Variants in PACRG observed in about 807,000 individuals in gnomAD.
PACRG encodes parkin coregulated gene protein.
PACRG carries 29 observed loss-of-function variants against 29.7 expected under a neutral mutation model. The ratio of observed to expected loss-of-function variants is 0.98; its 90% CI spans 0.73 to 1.33. The LOEUF (loss-of-function observed/expected upper bound fraction) is 1.33, where lower values mean the gene tolerates loss of function less well. Ranked by LOEUF, PACRG falls within the 40% of genes most tolerant of loss-of-function variation. The probability of loss-of-function intolerance (pLI) is 0.00; values close to 1 mark genes in which losing one functional copy is unlikely to be tolerated. For synonymous variants in PACRG, 116 were observed against 118.7 expected (o/e 0.98, Z 0.15); for missense variants, 279 against 316.2 (o/e 0.88, Z 0.89).
intron 4 of PACRG, among the ~76,000 whole-genome samples, chr6:163,240,522 G>A (rs144042863): frequency 8.2e-4 from 125 of 152,180 alleles, no homozygotes; most frequent in African/African-American, 2.9e-3. Context: ...CTTGCCTGAC[G>A]CCCTGTGGGG....
intron 1 of PACRG, among the ~76,000 whole-genome samples, chr6:162,779,115 A>C (rs2128311574): frequency 6.6e-6 from 1 of 152,286 alleles, no homozygotes; most frequent in African/African-American, 2.4e-5. Flanking sequence ...CCGACTTATA[A>C]GCAAGAACAC....
At chr6:163,011,343 C>G (rs7774066) in intron 2 of PACRG, among the ~76,000 whole-genome samples, 27,718 of 152,100 alleles carry the variant, frequency 0.18, 3,101 homozygotes, top group African/African-American at 0.31. Context: ...AAATAAACCC[C>G]TACAGCAAGT....
At chr6:162,988,532 A>T (rs937811450) in intron 2 of PACRG, among the ~76,000 whole-genome samples, 1 of 152,134 alleles carries the variant, frequency 6.6e-6, no homozygotes, top group East Asian at 1.9e-4. Context: ...GTTGTTTTGG[A>T]TAGGATCAGC....
intron 2 of PACRG, among the ~76,000 whole-genome samples, chr6:162,860,380 A>G (rs1394350379): frequency 6.6e-6 from 1 of 152,202 alleles, no homozygotes; most frequent in Non-Finnish European, 1.5e-5. Context: ...GGTACAGAAA[A>G]ACGGGAGTTT....
chr6:163,086,762 A>G (rs1157360525), intron 3 of PACRG, among the ~76,000 whole-genome samples: 3 of 152,178 alleles, frequency 2.0e-5, no homozygotes, highest in Non-Finnish European at 2.9e-5. Flanking sequence ...CAAACTAGCC[A>G]GGCATAAAGG....
At chr6:163,195,451 G>A (rs1780409424) in intron 4 of PACRG, among the ~76,000 whole-genome samples, 1 of 152,174 alleles carries the variant, frequency 6.6e-6, no homozygotes, top group South Asian at 2.1e-4. Context: ...ATGAAGACAG[G>A]CGTCCAATGG....
chr6:163,167,318 C>T (rs770415367), intron 4 of PACRG, among the ~76,000 whole-genome samples: 3 of 152,102 alleles, frequency 2.0e-5, no homozygotes, highest in Non-Finnish European at 4.4e-5. Context: ...TGTAAAAATT[C>T]TGTAAATTTT....
At chr6:162,858,864 C>T (rs907403036) in intron 2 of PACRG, among the ~76,000 whole-genome samples, 9 of 152,150 alleles carry the variant, frequency 5.9e-5, no homozygotes, top group African/African-American at 2.2e-4. Flanking sequence ...AGTGGCCTTC[C>T]CTGCGGTCAT....
rs200270873 is a variant in PACRG at position 162,958,884 on chromosome 6, TAGAGAGAGAGAGAGAG to T, written c.292-103226_292-103211del. ...ATATATATATATATATATATATATA[TAGAGAGAGAGAGAGAG>T]AGAGAGAGAGAGAGAGAGAGAGAGA... On this transcript the variant is annotated intron_variant, in intron 2 of 4. Coordinates refer to ENST00000366888, the MANE Select transcript of PACRG (RefSeq NM_001080379.2). Among the ~76,000 whole-genome samples the T allele has an allele frequency of 5.7e-3, 121 of 21,108 alleles. 1 individual carries two copies. Among genetic ancestry groups the T allele is most frequent in the African/African-American group, 0.014 (95 of 6,578 alleles). The allele number at this position is 21,108 out of a possible 152,430, so 13.8% of individuals were successfully genotyped here.
chr6:162,833,187 A>T (rs1001008325), intron 2 of PACRG, among the ~76,000 whole-genome samples: 2 of 152,136 alleles, frequency 1.3e-5, no homozygotes, highest in African/African-American at 4.8e-5. Flanking sequence ...TCCTATTACT[A>T]GTGTCAAAAG....
At chr6:163,122,096 A>G (rs1437774578) in intron 4 of PACRG, among the ~76,000 whole-genome samples, 2 of 152,166 alleles carry the variant, frequency 1.3e-5, no homozygotes, top group Non-Finnish European at 2.9e-5. Flanking sequence ...ACTATTAGAT[A>G]CCTACTATGG....
chr6:163,024,808 T>C (rs1464569974), intron 2 of PACRG, among the ~76,000 whole-genome samples: 3 of 152,140 alleles, frequency 2.0e-5, no homozygotes, highest in East Asian at 3.9e-4. Flanking sequence ...CTCATGAACA[T>C]AGACACAAAA....
intron 2 of PACRG, 53 bp downstream of exon 2, chr6:162,814,334 C>T: frequency 6.3e-7 from 1 of 1,596,026 alleles, no homozygotes; most frequent in Non-Finnish European, 8.6e-7. Context: ...AGTGACATCT[C>T]CCAATGCCAA....
intron 4 of PACRG, among the ~76,000 whole-genome samples, chr6:163,312,460 G>C (rs1273998539): frequency 6.6e-6 from 1 of 151,862 alleles, no homozygotes; most frequent in East Asian, 1.9e-4. Context: ...CTCCCAACAC[G>C]AGCTTCCTCC....
rs145449265 is a variant in PACRG at position 163,182,149 on chromosome 6, G to A, written c.613+92741G>A. The stretch of plus-strand genomic sequence containing the variant: ...AGTGATAGACTCTTCCAGGCTCTTT[G>A]TGTTCCACGGTCCGGTGGTGAAATC... On this transcript the variant is annotated intron_variant, in intron 4 of 4. Transcript: ENST00000366888. 1.7e-3 allele frequency among the ~76,000 whole-genome samples: 259 copies of A among 152,246 alleles called. 1 individual carries two copies. The highest frequency in any genetic ancestry group is 5.9e-3 in the African/African-American group (243 of 41,538).
intron 4 of PACRG, among the ~76,000 whole-genome samples, chr6:163,213,541 T>C (rs1413367894): frequency 6.6e-6 from 1 of 152,224 alleles, no homozygotes; most frequent in Admixed American, 6.5e-5. Context: ...GTAGGGAATA[T>C]ACACTGAACT....
In PACRG at chr6:163,005,013, A is replaced by G. The variant is rs117975372; in HGVS notation, c.292-57137A>G. Reference sequence around the variant, plus strand: ...GTATATAGGGATATTCAGGTCATCTATTTCTTTTTGACTATGCTTGAATAG... The same window carrying G: ...GTATATAGGGATATTCAGGTCATCTGTTTCTTTTTGACTATGCTTGAATAG... On this transcript the variant is annotated intron_variant, in intron 2 of 4. Transcript: ENST00000366888. Among the ~76,000 whole-genome samples, 25 of 152,030 alleles carry G rather than the reference A, an allele frequency of 1.6e-4. No homozygotes were observed. In the East Asian group the frequency reaches 4.3e-3, roughly 26 times the overall value.
chr6:162,851,350 C>T (rs1413591025), intron 2 of PACRG, among the ~76,000 whole-genome samples: 1 of 152,216 alleles, frequency 6.6e-6, no homozygotes, highest in Non-Finnish European at 1.5e-5. Flanking sequence ...TTCCCACACA[C>T]GTTCTCTTCT....
chr6:162,933,429 AG>A (rs1225908092), intron 2 of PACRG, among the ~76,000 whole-genome samples: 5 of 152,092 alleles, frequency 3.3e-5, no homozygotes, highest in Non-Finnish European at 7.4e-5. Flanking sequence ...CAAACCTAAA[AG>A]TGGGGTATTG....
Sources: allele counts gnomAD v4.1 joint callset (sites outside exome capture counted in the v4.1 genomes callset), GRCh38; gene constraint gnomAD v4.1.1; transcripts MANE v1.5; gene names NCBI Gene and HGNC (gene_info 2026-07-23, HGNC 2026-07-21).